PATJ: variants seen among roughly 807,000 people sequenced by gnomAD.
The protein encoded by PATJ is PATJ crumbs cell polarity complex component.
PATJ carries 190 observed loss-of-function variants against 224.9 expected under a neutral mutation model. The observed-to-expected ratio is 0.84, with a 90% confidence interval of 0.75 to 0.95. The LOEUF is 0.95. Ranked by LOEUF, PATJ falls within the 40% of genes least tolerant of loss-of-function variation. The pLI is 0.00. For missense variants in PATJ, 2,121 were observed against 2,270.3 expected (o/e 0.93, Z 1.34); for synonymous variants, 769 against 820.3 (o/e 0.94, Z 1.07).
chr1:61,762,437 G>A (rs1172700566), intron 1 of PATJ, among the ~76,000 whole-genome samples: 1 of 151,872 alleles, frequency 6.6e-6, no homozygotes, highest in Non-Finnish European at 1.5e-5. Context: ...CTAGTTTTGG[G>A]GTTTTTGTAA....
chr1:61,968,137 G>T (rs182028655), intron 27 of PATJ, among the ~76,000 whole-genome samples: 1 of 152,156 alleles, frequency 6.6e-6, no homozygotes, highest in Non-Finnish European at 1.5e-5. Flanking sequence ...TGAATGACAG[G>T]TGTTGTCAGC....
chr1:61,923,325 C>T (rs1240239304), intron 26 of PATJ, among the ~76,000 whole-genome samples: 2 of 152,088 alleles, frequency 1.3e-5, no homozygotes, highest in African/African-American at 4.8e-5. Context: ...GCGCCTTCAC[C>T]ATAAGAGGCA....
chr1:61,893,021 C>T (rs564072712), intron 22 of PATJ, among the ~76,000 whole-genome samples: 6 of 152,274 alleles, frequency 3.9e-5, no homozygotes, highest in African/African-American at 1.4e-4. Context: ...TGCAAATTTA[C>T]ATCTTAATAT....
intron 22 of PATJ, among the ~76,000 whole-genome samples, chr1:61,892,971 T>C (rs563550788): frequency 1.3e-5 from 2 of 152,342 alleles, no homozygotes; most frequent in East Asian, 3.9e-4. Context: ...TTATAAAATT[T>C]GAGGTTAGAA....
In PATJ at chr1:61,936,959, T is replaced by TA. The variant is rs947685993; in HGVS notation, c.3670+9136dup. Among the ~76,000 whole-genome samples, 241 of 152,214 alleles carry TA rather than the reference T, an allele frequency of 1.6e-3. 1 individual carries two copies. Among genetic ancestry groups the TA allele is most frequent in the African/African-American group, 5.6e-3 (231 of 41,540 alleles). On this transcript the variant is annotated intron_variant, in intron 27 of 43. Coordinates refer to ENST00000642238, the MANE Select transcript of PATJ (RefSeq NM_001350145.3). ...ATAAATTTCCTAATAGCAATAACTG[T>TA]AAAAAATAGGAAATATCCAGGAACA...
chr1:61,923,640 G>A (rs1425749507), intron 26 of PATJ, among the ~76,000 whole-genome samples: 3 of 152,032 alleles, frequency 2.0e-5, no homozygotes, highest in South Asian at 4.1e-4. Context: ...GTGACTAGCC[G>A]GGCGTGGTGG....
chr1:61,783,423 CTTTTTTTTTTT>C (rs79615768), intron 7 of PATJ, among the ~76,000 whole-genome samples: 1 of 119,234 alleles, frequency 8.4e-6, no homozygotes, highest in Non-Finnish European at 1.8e-5. Context: ...CTTTTCTTTT[CTTTTTTTTTTT>C]TTTTTTTAAA....
chr1:62,024,918 G>A (rs1647556877), intron 29 of PATJ, among the ~76,000 whole-genome samples: 1 of 152,090 alleles, frequency 6.6e-6, no homozygotes, highest in Non-Finnish European at 1.5e-5. Flanking sequence ...CAGTGCCCTG[G>A]CCAGACACTC....
intron 1 of PATJ, among the ~76,000 whole-genome samples, chr1:61,753,593 T>C (rs1645453784): frequency 6.6e-6 from 1 of 151,652 alleles, no homozygotes; most frequent in African/African-American, 2.4e-5. Context: ...CACTGCAACC[T>C]CCGCCTCCCG....
intron 41 of PATJ, among the ~76,000 whole-genome samples, chr1:62,135,646 C>T (rs897990415): frequency 6.6e-6 from 1 of 152,056 alleles, no homozygotes; most frequent in Admixed American, 6.5e-5. Flanking sequence ...GAGAGGTAGG[C>T]TGTAGTGTCA....
chr1:62,014,453 T>C (rs559810250), intron 28 of PATJ, among the ~76,000 whole-genome samples: 1 of 152,148 alleles, frequency 6.6e-6, no homozygotes, highest in Admixed American at 6.5e-5. Flanking sequence ...ATGATCATAC[T>C]AGACATACTA....
intron 27 of PATJ, among the ~76,000 whole-genome samples, chr1:61,934,825 A>G (rs1676599151): frequency 6.6e-6 from 1 of 152,110 alleles, no homozygotes; most frequent in African/African-American, 2.4e-5. Context: ...CGGATAGTCA[A>G]CAGTGGGGAT....
At chr1:61,855,675 A>C (rs1663540526) in intron 17 of PATJ, among the ~76,000 whole-genome samples, 1 of 152,076 alleles carries the variant, frequency 6.6e-6, no homozygotes, top group South Asian at 2.1e-4. Context: ...TGGCCTCCCA[A>C]AGTGCTGGGA....
chr1:62,050,838 T>C (rs1331804875), intron 30 of PATJ, 128 bp from the exon 31 acceptor site: 4 of 690,632 alleles, frequency 5.8e-6, no homozygotes, highest in African/African-American at 5.5e-5. Context: ...AAACAGAAAA[T>C]ACTTCCTCAG....
intron 27 of PATJ, among the ~76,000 whole-genome samples, chr1:61,988,917 G>A (rs1222553306): frequency 1.3e-5 from 2 of 152,206 alleles, no homozygotes; most frequent in Non-Finnish European, 2.9e-5. Flanking sequence ...TGAAGCATTA[G>A]AATGAGCATT....
chr1:61,760,619 CTT>C (rs200693394), intron 1 of PATJ, among the ~76,000 whole-genome samples: 15 of 135,432 alleles, frequency 1.1e-4, no homozygotes, highest in Non-Finnish European at 1.6e-4. Flanking sequence ...TTTTCTTTTT[CTT>C]TTTTTTTTTT....
chr1:62,136,514 G>A (rs923705286), intron 41 of PATJ, among the ~76,000 whole-genome samples: 2 of 144,420 alleles, frequency 1.4e-5, no homozygotes, highest in African/African-American at 5.3e-5. Flanking sequence ...TTTCTGTAAT[G>A]TGTCCCCATC....
intron 28 of PATJ, chr1:62,013,597 G>A (rs1227832143): frequency 9.2e-6 from 7 of 759,540 alleles, no homozygotes; most frequent in Non-Finnish European, 9.6e-6. Flanking sequence ...TTGTGTTGTG[G>A]TATAAGTGCA....
At chr1:62,084,082 C>T (rs559130040) in intron 32 of PATJ, among the ~76,000 whole-genome samples, 42 of 152,200 alleles carry the variant, frequency 2.8e-4, no homozygotes, top group Non-Finnish European at 4.6e-4. Flanking sequence ...GGCAAAACCT[C>T]GTCTCTACTA....
Sources: allele counts gnomAD v4.1 joint callset (sites outside exome capture counted in the v4.1 genomes callset), GRCh38; gene constraint gnomAD v4.1.1; transcripts MANE v1.5; gene names NCBI Gene and HGNC (gene_info 2026-07-23, HGNC 2026-07-21).